Variants in CLSTN2 observed in about 807,000 individuals in gnomAD.
CLSTN2 encodes calsyntenin 2, also known as calsyntenin-2.
A neutral mutation model predicts 101.2 loss-of-function variants in CLSTN2; 48 were observed. The ratio of observed to expected loss-of-function variants is 0.47; its 90% CI spans 0.38 to 0.60. CLSTN2 has a LOEUF of 0.60. CLSTN2 is among the 20% of genes least tolerant of loss of function. The pLI is 0.00. For missense variants in CLSTN2, 1,160 were observed against 1,238.2 expected (o/e 0.94, Z 0.95); for synonymous variants, 481 against 463.6 (o/e 1.04, Z -0.48).
At chr3:140,223,801 T>A (rs2086295390) in intron 2 of CLSTN2, among the ~76,000 whole-genome samples, 1 of 152,234 alleles carries the variant, frequency 6.6e-6, no homozygotes, top group African/African-American at 2.4e-5. Context: ...TTCCTGTGGC[T>A]GCTTTCTTCC....
chr3:140,219,984 A>G (rs1486764116), intron 2 of CLSTN2, among the ~76,000 whole-genome samples: 1 of 152,210 alleles, frequency 6.6e-6, no homozygotes, highest in Non-Finnish European at 1.5e-5. Flanking sequence ...TTACAGATGG[A>G]GAAATGGAAG....
chr3:140,466,618 C>T lies in CLSTN2; in HGVS notation c.1231C>T (p.Arg411Trp), dbSNP rs150636871. The T allele has an allele frequency of 6.2e-6, 10 of 1,614,006 alleles. No homozygotes were observed. Among genetic ancestry groups the T allele is most frequent in the South Asian group, 2.2e-5 (2 of 91,080 alleles). The change falls in exon 8 of 17, where the codon CGG becomes TGG. Residue 411 changes from arginine (R) to tryptophan (W), a missense_variant. Coordinates refer to ENST00000458420, the MANE Select transcript of CLSTN2 (RefSeq NM_022131.3). ...LCNSDKTEMN[R>W]HHYALYVHNC... ...TTCTTTCTGCTTTTCAGAAATGAAC[C>T]GGCATCACTATGCCCTGTATGTGCA...
chr3:140,066,647 C>T (rs1412801686), intron 1 of CLSTN2, among the ~76,000 whole-genome samples: 1 of 152,178 alleles, frequency 6.6e-6, no homozygotes, highest in Non-Finnish European at 1.5e-5. Flanking sequence ...TACTGTTCTG[C>T]TACCTTGGGT....
At chr3:140,204,585 T>C (rs1051184401) in intron 2 of CLSTN2, among the ~76,000 whole-genome samples, 8 of 152,004 alleles carry the variant, frequency 5.3e-5, no homozygotes, top group African/African-American at 1.9e-4. Flanking sequence ...TAGTTGATTG[T>C]AAAAGAAAGG....
intron 4 of CLSTN2, among the ~76,000 whole-genome samples, chr3:140,415,486 CAAAAAAAAAAAA>C (rs751616049): frequency 2.1e-4 from 12 of 56,868 alleles, no homozygotes; most frequent in Admixed American, 7.1e-4. Flanking sequence ...CACAAAATAG[CAAAAAAAAAAAA>C]AAAAAAAAAA....
At chr3:140,053,703 G>A (rs2008044871) in intron 1 of CLSTN2, among the ~76,000 whole-genome samples, 1 of 152,036 alleles carries the variant, frequency 6.6e-6, no homozygotes, top group Admixed American at 6.6e-5. Context: ...CCAAAGATCT[G>A]CCTTCATTCC....
At chr3:140,363,841 C>T (rs968176345) in intron 2 of CLSTN2, among the ~76,000 whole-genome samples, 2 of 152,116 alleles carry the variant, frequency 1.3e-5, no homozygotes, top group African/African-American at 4.8e-5. Context: ...AACCTGGGGG[C>T]TAGGAGACCA....
intron 5 of CLSTN2, among the ~76,000 whole-genome samples, chr3:140,424,073 T>C (rs1196879428): frequency 1.3e-5 from 2 of 152,250 alleles, no homozygotes; most frequent in Non-Finnish European, 2.9e-5. Context: ...CTTAGGATTT[T>C]GAGTGTTATT....
Position 140,064,966 on chromosome 3 carries a change from G to T in CLSTN2, c.110-110985G>T, listed in dbSNP as rs531469676. ...AAGAAGATAATACATATAGATCTCA[G>T]CTAAGATATTGGAAAATCTCTGAAA... On this transcript the variant is annotated intron_variant, in intron 1 of 16. Transcript: ENST00000458420. 1.4e-4 allele frequency among the ~76,000 whole-genome samples: 22 copies of T among 152,250 alleles called. 1 individual carries two copies. In the South Asian group the frequency reaches 4.6e-3, roughly 32 times the overall value.
intron 8 of CLSTN2, among the ~76,000 whole-genome samples, chr3:140,482,834 T>C (rs1934149641): frequency 6.6e-6 from 1 of 152,224 alleles, no homozygotes; most frequent in Non-Finnish European, 1.5e-5. Context: ...CTTCTCTCTT[T>C]TCTTCCTCAT....
Position 140,251,567 on chromosome 3 carries a change from G to A in CLSTN2, c.232+75494G>A, listed in dbSNP as rs927078282. 1.6e-4 allele frequency among the ~76,000 whole-genome samples: 16 copies of A among 99,078 alleles called. 1 individual carries two copies. The highest frequency in any genetic ancestry group is 4.9e-4 in the African/African-American group (12 of 24,290). 65.0% of individuals were successfully genotyped at this position (99,078 alleles called of 152,430 possible). ...GCAGGAGGAAAAGAAAGTCAATAACGGCAACTCTTAGCTTCCGTTCCTTTC... is the reference window on the plus strand; with the variant it reads ...GCAGGAGGAAAAGAAAGTCAATAACAGCAACTCTTAGCTTCCGTTCCTTTC... On this transcript the variant is annotated intron_variant, in intron 2 of 16. Coordinates refer to ENST00000458420, the MANE Select transcript of CLSTN2 (RefSeq NM_022131.3).
In CLSTN2 at chr3:140,419,614, C is replaced by T. The variant is rs184942346; in HGVS notation, c.638-1511C>T. ...GTATATATGTATATATACATATATACGTGTACGTATATATGTATATATACA... is the reference window on the plus strand; with the variant it reads ...GTATATATGTATATATACATATATATGTGTACGTATATATGTATATATACA... On this transcript the variant is annotated intron_variant, in intron 4 of 16. Transcript: ENST00000458420. 3.8e-4 allele frequency among the ~76,000 whole-genome samples: 17 copies of T among 45,100 alleles called. 5 individuals carry two copies. In the South Asian group the frequency reaches 7.6e-3, roughly 20 times the overall value. 29.6% of individuals were successfully genotyped at this position (45,100 alleles called of 152,430 possible).
At chr3:140,045,798 G>T (rs932083856) in intron 1 of CLSTN2, among the ~76,000 whole-genome samples, 1 of 152,238 alleles carries the variant, frequency 6.6e-6, no homozygotes, top group African/African-American at 2.4e-5. Context: ...TCAAGAGCAG[G>T]TTGTTCAGTT....
intron 2 of CLSTN2, among the ~76,000 whole-genome samples, chr3:140,363,380 T>A (rs1448007960): frequency 1.3e-5 from 2 of 152,164 alleles, no homozygotes; most frequent in Non-Finnish European, 2.9e-5. Flanking sequence ...ATCTTTTGCA[T>A]GTAATAGAAA....
intron 1 of CLSTN2, among the ~76,000 whole-genome samples, chr3:140,027,302 T>C (rs1055247373): frequency 1.3e-5 from 2 of 152,172 alleles, no homozygotes; most frequent in Admixed American, 1.3e-4. Context: ...GAAGTCATAC[T>C]GGATTAAGGT....
intron 2 of CLSTN2, among the ~76,000 whole-genome samples, chr3:140,350,463 G>A (rs1352542929): frequency 6.6e-6 from 1 of 152,132 alleles, no homozygotes; most frequent in Non-Finnish European, 1.5e-5. Context: ...GGGTAGGGAG[G>A]GGGCATGAAT....
intron 10 of CLSTN2, among the ~76,000 whole-genome samples, chr3:140,556,290 C>A (rs556952530): frequency 7.4e-4 from 112 of 152,190 alleles, no homozygotes; most frequent in Admixed American, 3.1e-3. Context: ...AGGCACAGTC[C>A]CTGGAAAGAC....
intron 1 of CLSTN2, among the ~76,000 whole-genome samples, chr3:140,121,729 AG>A (rs1227860089): frequency 6.6e-6 from 1 of 152,182 alleles, no homozygotes. Context: ...TGGAAGAAAA[AG>A]CATGAGGCTT....
chr3:139,967,568 G>A (rs536280223), intron 1 of CLSTN2, among the ~76,000 whole-genome samples: 4 of 152,318 alleles, frequency 2.6e-5, no homozygotes, highest in East Asian at 1.9e-4. Context: ...ATCAGGAAAC[G>A]TCACATACAT....
Sources: gnomAD v4.1 joint callset for allele counts (sites outside exome capture counted in the v4.1 genomes callset) on GRCh38, gnomAD v4.1.1 for gene constraint, MANE v1.5 for transcripts, NCBI Gene and HGNC (gene_info 2026-07-23, HGNC 2026-07-21) for gene names.